Variants in MYO10 observed in about 807,000 individuals in gnomAD.
The protein encoded by MYO10 is myosin X.
A neutral mutation model predicts 257.3 loss-of-function variants in MYO10; 133 were observed. The observed-to-expected ratio is 0.52, with a 90% CI of 0.45 to 0.60. The LOEUF (loss-of-function observed/expected upper bound fraction) is 0.60. Ranked by LOEUF, MYO10 falls within the 20% of genes least tolerant of loss-of-function variation. The pLI is 0.00. For synonymous variants in MYO10, 1,104 were observed against 1,028.6 expected (o/e 1.07, Z -1.40); for missense variants, 2,399 against 2,635.7 (o/e 0.91, Z 1.97).
chr5:16,778,084 T>C (rs551022475), intron 9 of MYO10, among the ~76,000 whole-genome samples: 1 of 151,996 alleles, frequency 6.6e-6, no homozygotes, highest in East Asian at 1.9e-4. Context: ...ACTCCTGACC[T>C]CGTGATCCGC....
At chr5:16,757,277 A>G (rs1236755466) in intron 18 of MYO10, among the ~76,000 whole-genome samples, 2 of 144,998 alleles carry the variant, frequency 1.4e-5, no homozygotes, top group Non-Finnish European at 3.0e-5. Context: ...GTGACAGAAC[A>G]AGACCCTGTC....
intron 1 of MYO10, among the ~76,000 whole-genome samples, chr5:16,930,448 A>G (rs1746261590): frequency 6.6e-6 from 1 of 152,228 alleles, no homozygotes; most frequent in African/African-American, 2.4e-5. Flanking sequence ...CTTTAGACAG[A>G]GTTCTGGAAA....
At chr5:16,832,565 T>C (rs1743192265) in intron 2 of MYO10, among the ~76,000 whole-genome samples, 1 of 152,168 alleles carries the variant, frequency 6.6e-6, no homozygotes, top group African/African-American at 2.4e-5. Context: ...CCCCCAATTC[T>C]TGGCTGCTTG....
intron 5 of MYO10, among the ~76,000 whole-genome samples, chr5:16,782,843 T>G (rs1050501362): frequency 5.9e-5 from 9 of 152,174 alleles, no homozygotes; most frequent in African/African-American, 2.2e-4. Context: ...TCACTCATCT[T>G]CCACACACGA....
chr5:16,681,815 T>A, intron 31 of MYO10, 56 bp downstream of exon 31: 2 of 1,567,544 alleles, frequency 1.3e-6, no homozygotes, highest in Non-Finnish European at 1.7e-6. Flanking sequence ...GATGTCTATA[T>A]GCAAATGGAA....
chr5:16,849,886 T>A (rs1388517383), intron 2 of MYO10, among the ~76,000 whole-genome samples: 3 of 152,168 alleles, frequency 2.0e-5, no homozygotes, highest in Non-Finnish European at 4.4e-5. Flanking sequence ...GCTGCATACA[T>A]CTGCTTTGAC....
chr5:16,833,626 TAG>T (rs1191990156), intron 2 of MYO10, among the ~76,000 whole-genome samples: 1 of 152,166 alleles, frequency 6.6e-6, no homozygotes, highest in Non-Finnish European at 1.5e-5. Flanking sequence ...CAGGATTGAC[TAG>T]AATCTTTCCT....
chr5:16,790,124 C>T (rs1158096728), intron 4 of MYO10, among the ~76,000 whole-genome samples: 1 of 151,828 alleles, frequency 6.6e-6, no homozygotes, highest in African/African-American at 2.4e-5. Context: ...AAATGTATTT[C>T]TAGAAATAGA....
chr5:16,685,369 C>A (rs534932154), intron 29 of MYO10, among the ~76,000 whole-genome samples: 8 of 151,804 alleles, frequency 5.3e-5, no homozygotes, highest in Admixed American at 2.0e-4. Context: ...TAATACCATG[C>A]CTGGATAATT....
At chr5:16,671,290 T>C in intron 38 of MYO10, 132 bp downstream of exon 38, 1 of 1,131,468 alleles carries the variant, frequency 8.8e-7, no homozygotes, top group South Asian at 1.6e-5. Context: ...AAAGAGCAGC[T>C]GGTCTTGTCT....
chr5:16,828,620 CA>C (rs71595993), intron 2 of MYO10, among the ~76,000 whole-genome samples: 29,579 of 85,612 alleles, frequency 0.35, 2,428 homozygotes, highest in East Asian at 0.53. Context: ...ACTCTGTCTC[CA>C]AAAAAAAAAA....
chr5:16,794,919 A>C (rs202036668), intron 3 of MYO10, 86 bp from the exon 4 acceptor site: 1 of 378,078 alleles, frequency 2.6e-6, no homozygotes, highest in East Asian at 5.2e-5. Flanking sequence ...AGTGTGCGCC[A>C]GGGGGAAAGA....
intron 37 of MYO10, 124 bp downstream of exon 37, chr5:16,672,565 G>A (rs1736519629): frequency 3.5e-6 from 4 of 1,155,852 alleles, no homozygotes; most frequent in Non-Finnish European, 2.4e-6. Flanking sequence ...CATCAACACA[G>A]GTAAAATAAA....
At chr5:16,731,655 T>C (rs1435619570) in intron 19 of MYO10, among the ~76,000 whole-genome samples, 1 of 152,228 alleles carries the variant, frequency 6.6e-6, no homozygotes, top group Non-Finnish European at 1.5e-5. Flanking sequence ...GGCCAAAACA[T>C]GCTTCTTGAT....
In MYO10 at chr5:16,699,329, C is replaced by A. The variant is rs1185708053; in HGVS notation, c.3556+121G>T. On this transcript the variant is annotated intron_variant, in intron 26 of 40. Coordinates refer to ENST00000513610, the MANE Select transcript of MYO10 (RefSeq NM_012334.3). ...GGGTAGGTAGAACGACTTTCCCAGT[C>A]CCCATCCATCAGCCCAGATACAATA... 3 of 1,309,522 alleles carry A rather than the reference C, an allele frequency of 2.3e-6. No homozygotes were observed. In the African/African-American group the frequency reaches 4.5e-5, roughly 20 times the overall value. The allele number at this position is 1,309,522 out of a possible 1,614,324, so 81.1% of individuals were successfully genotyped here. A position where few individuals can be genotyped will look rare whatever the true frequency, so the allele number is the denominator to read the frequency against.
chr5:16,668,036 A>G (rs948731466), intron 40 of MYO10, among the ~76,000 whole-genome samples: 4 of 151,990 alleles, frequency 2.6e-5, no homozygotes, highest in African/African-American at 9.7e-5. Flanking sequence ...CAAGGGTAAG[A>G]CTCCTTGGCA....
intron 19 of MYO10, among the ~76,000 whole-genome samples, chr5:16,719,282 C>T (rs2126595320): frequency 6.6e-6 from 1 of 152,282 alleles, no homozygotes; most frequent in South Asian, 2.1e-4. Flanking sequence ...GGGTCCGCGG[C>T]TTCATTCTTG....
intron 2 of MYO10, among the ~76,000 whole-genome samples, chr5:16,860,695 A>G (rs1580084342): frequency 6.6e-6 from 1 of 152,196 alleles, no homozygotes; most frequent in South Asian, 2.1e-4. Context: ...AGAGGCTCTT[A>G]AGAGAGTCAA....
intron 2 of MYO10, among the ~76,000 whole-genome samples, chr5:16,823,448 C>CGG (rs1236276075): frequency 8.0e-4 from 4 of 4,972 alleles, no homozygotes; most frequent in Non-Finnish European, 1.1e-3. Context: ...CCATCTTGCG[C>CGG]GGGGGGGGGG....
Sources: allele counts gnomAD v4.1 joint callset (sites outside exome capture counted in the v4.1 genomes callset), GRCh38; gene constraint gnomAD v4.1.1; transcripts MANE v1.5; gene names NCBI Gene and HGNC (gene_info 2026-07-23, HGNC 2026-07-21).